FHIT: variants seen among roughly 807,000 people sequenced by gnomAD.
FHIT encodes bis(5'-adenosyl)-triphosphatase.
Under a neutral mutation model 17.9 loss-of-function variants are expected in FHIT, and 19 were observed. The observed-to-expected ratio is 1.06, with a 90% confidence interval of 0.74 to 1.56. FHIT has a LOEUF of 1.56. Ranked by LOEUF, FHIT falls within the 40% of genes most tolerant of loss-of-function variation. The pLI is 0.00. For missense variants in FHIT, 248 were observed against 189.2 expected (o/e 1.31, Z -1.82); for synonymous variants, 81 against 69.7 (o/e 1.16, Z -0.81).
At chr3:60,188,637 A>C (rs1311587449) in intron 5 of FHIT, among the ~76,000 whole-genome samples, 1 of 152,272 alleles carries the variant, frequency 6.6e-6, no homozygotes, top group Admixed American at 6.5e-5. Flanking sequence ...TTTATAAAGA[A>C]ATTAATTCAG....
At chr3:60,787,176 G>C (rs567437845) in intron 4 of FHIT, among the ~76,000 whole-genome samples, 1 of 152,214 alleles carries the variant, frequency 6.6e-6, no homozygotes, top group East Asian at 1.9e-4. Context: ...GGTATAAAGA[G>C]AAATTTTTAT....
At chr3:60,773,966 A>G (rs1329272285) in intron 4 of FHIT, among the ~76,000 whole-genome samples, 1 of 152,204 alleles carries the variant, frequency 6.6e-6, no homozygotes, top group Non-Finnish European at 1.5e-5. Flanking sequence ...TTCCTACTGG[A>G]TGGGCTACTC....
intron 5 of FHIT, among the ~76,000 whole-genome samples, chr3:60,302,234 G>T (rs1171439409): frequency 6.6e-6 from 1 of 152,012 alleles, no homozygotes; most frequent in Non-Finnish European, 1.5e-5. Flanking sequence ...GGAAAGCTTG[G>T]TTTTTATTGG....
rs376899500 is a variant in FHIT, at chr3:59,989,371, C to T, written c.279+22000G>A. 1.7e-4 allele frequency among the ~76,000 whole-genome samples: 26 copies of T among 152,106 alleles called. 1 individual carries two copies. The East Asian group carries it at 4.7e-3, about 27-fold the overall frequency. Reference sequence around the variant, plus strand: ...TTTCATTCCAACCCTCGGCCAGCACCTAGGGAACAAAGCAAGGCCCCAGCT... The same window carrying T: ...TTTCATTCCAACCCTCGGCCAGCACTTAGGGAACAAAGCAAGGCCCCAGCT... On this transcript the variant is annotated intron_variant, in intron 7 of 9. Transcript: ENST00000492590.
intron 1 of FHIT, among the ~76,000 whole-genome samples, chr3:61,209,392 A>G (rs957073960): frequency 2.6e-5 from 4 of 152,108 alleles, no homozygotes; most frequent in Admixed American, 2.0e-4. Context: ...AGTTCTCCTG[A>G]ATGATATCCT....
At chr3:60,456,707 G>A (rs1266750787) in intron 5 of FHIT, among the ~76,000 whole-genome samples, 1 of 152,142 alleles carries the variant, frequency 6.6e-6, no homozygotes, top group Non-Finnish European at 1.5e-5. Flanking sequence ...ACTGAAGAGT[G>A]GAAGATCATG....
intron 5 of FHIT, among the ~76,000 whole-genome samples, chr3:60,166,075 C>T (rs1257431382): frequency 1.3e-5 from 2 of 151,960 alleles, no homozygotes; most frequent in Admixed American, 6.6e-5. Context: ...ATATTGTGCT[C>T]TTTTTTCTAC....
intron 3 of FHIT, among the ~76,000 whole-genome samples, chr3:60,957,943 CAT>C: frequency 6.6e-6 from 1 of 152,356 alleles, no homozygotes; most frequent in South Asian, 2.1e-4. Context: ...TGTAGTCAGA[CAT>C]GTCAAAAATT....
intron 5 of FHIT, among the ~76,000 whole-genome samples, chr3:60,384,008 G>A (rs988703614): frequency 2.0e-5 from 3 of 152,136 alleles, no homozygotes; most frequent in Non-Finnish European, 4.4e-5. Context: ...GGTGGCCCAT[G>A]CCTGTAATCC....
intron 5 of FHIT, among the ~76,000 whole-genome samples, chr3:60,496,618 G>A (rs1264582963): frequency 6.6e-6 from 1 of 152,088 alleles, no homozygotes; most frequent in East Asian, 1.9e-4. Flanking sequence ...CTTACAACAT[G>A]GTGATTCCAC....
intron 2 of FHIT, among the ~76,000 whole-genome samples, chr3:61,043,690 C>T (rs2033642004): frequency 1.3e-5 from 2 of 152,294 alleles, no homozygotes; most frequent in African/African-American, 4.8e-5. Flanking sequence ...TCAAGTGGGT[C>T]CCTGAGACCC....
At chr3:60,993,927 C>A (rs897787413) in intron 3 of FHIT, among the ~76,000 whole-genome samples, 1 of 152,070 alleles carries the variant, frequency 6.6e-6, no homozygotes, top group Non-Finnish European at 1.5e-5. Flanking sequence ...AGCCATGAGC[C>A]ACGTGCCTAT....
chr3:60,633,186 T>C (rs2039491521), intron 4 of FHIT, among the ~76,000 whole-genome samples: 2 of 152,204 alleles, frequency 1.3e-5, no homozygotes, highest in Admixed American at 6.5e-5. Flanking sequence ...TCAAAGACTT[T>C]ATTAATCTAG....
At chr3:61,223,566 A>C (rs1236894357) in intron 1 of FHIT, among the ~76,000 whole-genome samples, 1 of 152,218 alleles carries the variant, frequency 6.6e-6, no homozygotes, top group Non-Finnish European at 1.5e-5. Flanking sequence ...CTAATTAAAA[A>C]GTGATAAACA....
At chr3:60,185,552 G>A (rs990039564) in intron 5 of FHIT, among the ~76,000 whole-genome samples, 2 of 152,056 alleles carry the variant, frequency 1.3e-5, no homozygotes, top group Non-Finnish European at 2.9e-5. Flanking sequence ...TCCAGTTTGG[G>A]GAATTATGAA....
intron 8 of FHIT, among the ~76,000 whole-genome samples, chr3:59,846,810 T>C (rs587959): frequency 0.98 from 149,670 of 152,252 alleles, 73,619 homozygotes; most frequent in East Asian, 1. Context: ...CTTAATTTCT[T>C]CTTCACTCCT....
chr3:59,776,714 C>A (rs1254369363), intron 8 of FHIT, among the ~76,000 whole-genome samples: 1 of 152,176 alleles, frequency 6.6e-6, no homozygotes, highest in African/African-American at 2.4e-5. Context: ...ATAATCAGAG[C>A]TGACATTTAT....
At chr3:60,138,529 G>A (rs1699909227) in intron 5 of FHIT, among the ~76,000 whole-genome samples, 1 of 152,144 alleles carries the variant, frequency 6.6e-6, no homozygotes, top group African/African-American at 2.4e-5. Context: ...AGGTTCCATA[G>A]CAAGTTCCAC....
chr3:60,381,248 T>C (rs1700787576), intron 5 of FHIT, among the ~76,000 whole-genome samples: 1 of 151,828 alleles, frequency 6.6e-6, no homozygotes, highest in Non-Finnish European at 1.5e-5. Context: ...GAGGCTGAGG[T>C]GGGCAGATCA....
Sources: allele counts gnomAD v4.1 joint callset (sites outside exome capture counted in the v4.1 genomes callset), GRCh38; gene constraint gnomAD v4.1.1; transcripts MANE v1.5; gene names NCBI Gene and HGNC (gene_info 2026-07-23, HGNC 2026-07-21).